Variants in TNKS2 observed in about 807,000 individuals in gnomAD.
TNKS2 encodes the protein poly [ADP-ribose] polymerase tankyrase-2.
TNKS2 carries 72 observed loss-of-function variants against 137.6 expected under a neutral mutation model. That is an observed-to-expected ratio of 0.52 (90% CI 0.43 to 0.64). The LOEUF is 0.64. TNKS2 is among the 30% of genes least tolerant of loss of function. The pLI is 0.00. For missense variants in TNKS2, 1,049 were observed against 1,410.2 expected (o/e 0.74, Z 4.10); for synonymous variants, 516 against 512.1 (o/e 1.01, Z -0.10).
chr10:91,802,999 A>G (rs2133583101), intron 1 of TNKS2, among the ~76,000 whole-genome samples: 2 of 152,306 alleles, frequency 1.3e-5, no homozygotes, highest in Middle Eastern at 6.8e-3. Flanking sequence ...AGTTGACTTC[A>G]ATAACAAGAG....
intron 7 of TNKS2, among the ~76,000 whole-genome samples, chr10:91,823,373 G>C (rs2421702): frequency 0.69 from 95,048 of 137,936 alleles, 34,017 homozygotes; most frequent in East Asian, 0.9. Flanking sequence ...TGTCGCCCAG[G>C]CTGGAGTGCA....
Position 91,798,455 on chromosome 10 carries a change from C to G in TNKS2, c.-236C>G, listed in dbSNP as rs1225907614. 1.5e-5 allele frequency: 5 copies of G among 322,920 alleles called. No homozygotes were observed. The highest frequency in any genetic ancestry group is 4.4e-5 in the African/African-American group (2 of 45,788). The allele number at this position is 322,920 out of a possible 1,614,324, so 20.0% of individuals were successfully genotyped here. ...TCCGCCGCCGCGTCGTTTCAGGACC[C>G]GGACGGCGGATTCGCGCTGCCTCCG... is the stretch of plus-strand genomic sequence containing the variant. On this transcript the variant is annotated 5_prime_UTR_variant, in exon 1 of 27. Coordinates refer to ENST00000371627, the MANE Select transcript of TNKS2 (RefSeq NM_025235.4).
At chr10:91,843,356 C>T (rs1290683792) in intron 16 of TNKS2, among the ~76,000 whole-genome samples, 2 of 152,130 alleles carry the variant, frequency 1.3e-5, no homozygotes, top group Non-Finnish European at 1.5e-5. Context: ...GTGTCTCTTT[C>T]TATATGTCCT....
intron 12 of TNKS2, 118 bp downstream of exon 12, chr10:91,834,142 T>A (rs2133640134): frequency 2.7e-6 from 2 of 741,106 alleles, no homozygotes; most frequent in South Asian, 6.9e-5. Flanking sequence ...TGTTTATTTC[T>A]TCTTAGGTTA....
Position 91,863,246 on chromosome 10 carries a change from A to G in TNKS2, c.*247A>G, listed in dbSNP as rs143819836. On this transcript the variant is annotated 3_prime_UTR_variant, in exon 27 of 27. Coordinates refer to ENST00000371627, the MANE Select transcript of TNKS2 (RefSeq NM_025235.4). ...TTCCAGGTTAAACTGGGTTGTCTGTACTAAATTATAAACAGAGTTAACTTG... is the reference window on the plus strand; with the variant it reads ...TTCCAGGTTAAACTGGGTTGTCTGTGCTAAATTATAAACAGAGTTAACTTG... The G allele has an allele frequency of 9.8e-5, 38 of 387,012 alleles. No individual in the cohort carries two copies. Among genetic ancestry groups the G allele is most frequent in the African/African-American group, 7.8e-4 (38 of 48,710 alleles). 24.0% of individuals were successfully genotyped at this position (387,012 alleles called of 1,614,324 possible).
intron 8 of TNKS2, among the ~76,000 whole-genome samples, chr10:91,827,798 T>C (rs1845113261): frequency 6.6e-6 from 1 of 152,192 alleles, no homozygotes; most frequent in South Asian, 2.1e-4. Flanking sequence ...AAGGAAAACC[T>C]CTTTTATTTT....
At position 91,828,379 on chromosome 10, in the gene TNKS2, G is replaced by A; in HGVS notation, c.1077G>A (p.Lys359=). 2 of 1,606,990 alleles carry A rather than the reference G, an allele frequency of 1.2e-6. No individual in the cohort carries two copies. The highest frequency in any genetic ancestry group is 1.1e-5 in the South Asian group (1 of 89,592). ...TCTCTCTGGAAATGGTGAATTTCAA[G>A]CATCCTCAAACACATGAAACAGCAT... ...KHLSLEMVNF[K]HPQTHETALH... Residue 359 remains lysine (K), a synonymous_variant, in exon 9 of 27, where the codon AAG becomes AAA. Coordinates refer to ENST00000371627, the MANE Select transcript of TNKS2 (RefSeq NM_025235.4).
chr10:91,822,272 A>G (rs1759333020), intron 6 of TNKS2, 24 bp from the exon 7 acceptor site: 2 of 1,591,372 alleles, frequency 1.3e-6, no homozygotes, highest in Admixed American at 1.7e-5. Context: ...CTGAAACAGG[A>G]TTTTCCCCCC....
intron 16 of TNKS2, 44 bp downstream of exon 16, chr10:91,842,435 G>C (rs770336690): frequency 6.4e-7 from 1 of 1,555,986 alleles, no homozygotes; most frequent in African/African-American, 1.4e-5. Flanking sequence ...TAATATCTGA[G>C]ATTCATTTTA....
At chr10:91,800,120 A>G (rs1257961776) in intron 1 of TNKS2, among the ~76,000 whole-genome samples, 1 of 152,216 alleles carries the variant, frequency 6.6e-6, no homozygotes, top group African/African-American at 2.4e-5. Context: ...GTCTTTTAAA[A>G]AGAAGAAAGT....
rs372185920 is a variant in TNKS2, at chr10:91,812,336, A to G, written c.200-647A>G. Among the ~76,000 whole-genome samples the G allele has an allele frequency of 1.2e-3, 189 of 152,250 alleles. 2 individuals are homozygous for G. Among genetic ancestry groups the G allele is most frequent in the Middle Eastern group, 6.8e-3 (2 of 294 alleles). On this transcript the variant is annotated intron_variant, in intron 1 of 26. Transcript: ENST00000371627. ...GGGGGCAGTTGAGCAGAACTGTGGA[A>G]TGTTGGTACCTAAAGGAGGCCTCCT... is the stretch of plus-strand genomic sequence containing the variant.
At chr10:91,858,112 TGTA>T (rs978420372) in intron 24 of TNKS2, among the ~76,000 whole-genome samples, 4 of 152,220 alleles carry the variant, frequency 2.6e-5, no homozygotes, top group South Asian at 4.1e-4. Flanking sequence ...AACATATTAA[TGTA>T]GTATTTATGA....
chr10:91,800,034 C>T (rs981777777), intron 1 of TNKS2, among the ~76,000 whole-genome samples: 2 of 152,162 alleles, frequency 1.3e-5, no homozygotes, highest in Non-Finnish European at 2.9e-5. Context: ...TAACCTGTTC[C>T]AGATTTTAAA....
chr10:91,823,086 G>A (rs1589660503), intron 7 of TNKS2, among the ~76,000 whole-genome samples: 1 of 151,686 alleles, frequency 6.6e-6, no homozygotes, highest in Admixed American at 6.6e-5. Context: ...AGCAGATAAA[G>A]TGATTCCATA....
intron 1 of TNKS2, chr10:91,807,486 G>T: frequency 1.3e-6 from 2 of 1,558,688 alleles, no homozygotes; most frequent in African/African-American, 2.7e-5. Flanking sequence ...CTCAGAACCC[G>T]GCCCAACAAA....
chr10:91,863,056 C>A lies in TNKS2; in HGVS notation c.*57C>A. On this transcript the variant is annotated 3_prime_UTR_variant, in exon 27 of 27. Transcript: ENST00000371627. Reference sequence around the variant, plus strand: ...CCTAAAATCATCAAAGCAGCAGTGGCCTCTACGTTTTACTCCTTTGCTGAA... The same window carrying A: ...CCTAAAATCATCAAAGCAGCAGTGGACTCTACGTTTTACTCCTTTGCTGAA... 7.6e-7 allele frequency: 1 copy of A among 1,308,124 alleles called. No individual in the cohort carries two copies. The highest frequency in any genetic ancestry group is 1.1e-6 in the Non-Finnish European group (1 of 917,200). 81.0% of individuals were successfully genotyped at this position (1,308,124 alleles called of 1,614,324 possible).
At chr10:91,833,743 G>C in intron 11 of TNKS2, 110 bp from the exon 12 acceptor site, 9 of 803,506 alleles carry the variant, frequency 1.1e-5, no homozygotes, top group Non-Finnish European at 1.6e-5. Flanking sequence ...TGGATAATAG[G>C]CCTCATAAAA....
chr10:91,845,936 T>C lies in TNKS2; in HGVS notation c.2354T>C (p.Val785Ala), dbSNP rs1265824330. ...NQEGQTPLDL[V>A]SADDVSALLT... The stretch of plus-strand genomic sequence containing the variant: ...GAAGGACAAACACCTTTAGATTTAG[T>C]TTCAGTAAGTGATGGGCTTTTTGAA... Residue 785 changes from valine (V) to alanine (A), a missense_variant, in exon 18 of 27, where the codon GTT (valine) becomes GCT (alanine). Val to Ala is a moderately conservative substitution (Grantham distance 64). Around this residue, in one of 6 missense-constraint regions of TNKS2, gnomAD observed 208 missense variants for 231.2 expected, o/e 0.90. Coordinates refer to ENST00000371627, the MANE Select transcript of TNKS2 (RefSeq NM_025235.4). 3 of 1,533,342 alleles carry C rather than the reference T, an allele frequency of 2.0e-6. No individual in the cohort carries two copies. In the African/African-American group the frequency reaches 4.1e-5, roughly 21 times the overall value. 95.0% of individuals were successfully genotyped at this position (1,533,342 alleles called of 1,614,324 possible). A position where few individuals can be genotyped will look rare whatever the true frequency, so the allele number is the denominator to read the frequency against.
At chr10:91,847,062 A>G (rs566395841) in intron 18 of TNKS2, among the ~76,000 whole-genome samples, 8 of 152,236 alleles carry the variant, frequency 5.3e-5, no homozygotes, top group African/African-American at 1.7e-4. Flanking sequence ...TAAATGGGGT[A>G]ATTTACTTAA....
Sources: gnomAD v4.1 joint callset for allele counts (sites outside exome capture counted in the v4.1 genomes callset) on GRCh38, gnomAD v4.1.1 for gene constraint, gnomAD v4.1.1 regional missense constraint, MANE v1.5 for transcripts, NCBI Gene and HGNC (gene_info 2026-07-23, HGNC 2026-07-21) for gene names.